The following DNAJC13 variants were observed in gnomAD, a reference collection of about 807,000 sequenced individuals.
DNAJC13 encodes the protein dnaJ homolog subfamily C member 13.
Under a neutral mutation model 290.5 loss-of-function variants are expected in DNAJC13, and 75 were observed. The ratio of observed to expected loss-of-function variants is 0.26; its 90% confidence interval spans 0.21 to 0.31. DNAJC13 has a LOEUF of 0.31. Ranked by LOEUF, DNAJC13 falls within the 10% of genes least tolerant of loss-of-function variation. The pLI is 1.00. For synonymous variants in DNAJC13, 862 were observed against 892.0 expected (o/e 0.97, Z 0.60); for missense variants, 2,260 against 2,674.5 (o/e 0.85, Z 3.42).
intron 25 of DNAJC13, among the ~76,000 whole-genome samples, 187 bp from the exon 26 acceptor site, chr3:132,480,175 ATTCAGGT>A (rs1160755239): frequency 6.6e-6 from 1 of 152,142 alleles, no homozygotes; most frequent in Admixed American, 6.5e-5. Flanking sequence ...ATCAATTGGA[ATTCAGGT>A]TCCTTGAACA....
At chr3:132,532,560 C>T (rs1936447588) in intron 55 of DNAJC13, among the ~76,000 whole-genome samples, 1 of 152,028 alleles carries the variant, frequency 6.6e-6, no homozygotes, top group Admixed American at 6.6e-5. Context: ...CCATATCTCT[C>T]TTCAGATTTG....
chr3:132,516,873 A>C lies in DNAJC13; in HGVS notation c.5673+57A>C, dbSNP rs114172705. 1,199 of 1,364,036 alleles carry C rather than the reference A, an allele frequency of 8.8e-4. 8 individuals are homozygous for C. The African/African-American group carries it at 0.015, about 17-fold the overall frequency. The allele number at this position is 1,364,036 out of a possible 1,614,324, so 84.5% of individuals were successfully genotyped here. On this transcript the variant is annotated intron_variant, in intron 48 of 55. Coordinates refer to ENST00000260818, the MANE Select transcript of DNAJC13 (RefSeq NM_015268.4). ...TAATTATTAAAGCATTGTTACTTTG[A>C]TACTGATTTCAAGAAGTTTACTGAA... is the stretch of plus-strand genomic sequence containing the variant.
chr3:132,531,918 T>G (rs1936429063), intron 55 of DNAJC13, among the ~76,000 whole-genome samples: 1 of 152,236 alleles, frequency 6.6e-6, no homozygotes, highest in Non-Finnish European at 1.5e-5. Flanking sequence ...AAGGATGTTT[T>G]ACTGCTTTGG....
intron 54 of DNAJC13, 69 bp downstream of exon 54, chr3:132,528,401 C>T: frequency 6.4e-7 from 1 of 1,560,698 alleles, no homozygotes. Flanking sequence ...GGTCCACGTA[C>T]CTGTGTTCAA....
rs1255845675 is a variant in DNAJC13, at chr3:132,503,397, G to C, written c.4884+16G>C. On this transcript the variant is annotated intron_variant, in intron 41 of 55. Transcript: ENST00000260818. ...TGTGACTGAGGTATGTGCTTCACAG[G>C]TAGCCTGGGTTTTAATCAATAGTGC... 1 of 1,613,656 alleles carries C rather than the reference G, an allele frequency of 6.2e-7. No homozygotes were observed. Among genetic ancestry groups the C allele is most frequent in the East Asian group, 2.2e-5 (1 of 44,876 alleles).
intron 1 of DNAJC13, among the ~76,000 whole-genome samples, chr3:132,421,102 A>G (rs1414173080): frequency 6.6e-6 from 1 of 152,222 alleles, no homozygotes; most frequent in African/African-American, 2.4e-5. Flanking sequence ...GAAGTAGTAG[A>G]AGGAAAAAAA....
rs73216001 is a variant in DNAJC13, at chr3:132,492,903, T to C, written c.3825+288T>C. Reference sequence around the variant, plus strand: ...ATAATTATATATATATAGTATTATATACTATAATACCTTGGTGGAAGCTTG... The same window carrying C: ...ATAATTATATATATATAGTATTATACACTATAATACCTTGGTGGAAGCTTG... On this transcript the variant is annotated intron_variant, in intron 33 of 55. Coordinates refer to ENST00000260818, the MANE Select transcript of DNAJC13 (RefSeq NM_015268.4). Among the ~76,000 whole-genome samples, 7,933 of 151,998 alleles carry C rather than the reference T, an allele frequency of 0.052. 411 individuals are homozygous for C. The highest frequency in any genetic ancestry group is 0.14 in the African/African-American group (5,658 of 41,450).
In DNAJC13 at chr3:132,456,644, A is replaced by G; in HGVS notation, c.1180-19A>G. The G allele has an allele frequency of 6.2e-7, 1 of 1,612,672 alleles. No homozygotes were observed. Among genetic ancestry groups the G allele is most frequent in the Non-Finnish European group, 8.5e-7 (1 of 1,179,582 alleles). ...CTTTTGGTATGGAAACTTTTTTGAA[A>G]TACTCTTTCTTCACCTAGGGTCTCT... On this transcript the variant is annotated intron_variant, in intron 11 of 55. Coordinates refer to ENST00000260818, the MANE Select transcript of DNAJC13 (RefSeq NM_015268.4).
intron 43 of DNAJC13, among the ~76,000 whole-genome samples, chr3:132,510,551 G>A (rs1935744764): frequency 6.6e-6 from 1 of 152,048 alleles, no homozygotes; most frequent in Non-Finnish European, 1.5e-5. Context: ...GGATTTGGTG[G>A]TTGATTTGTT....
intron 31 of DNAJC13, among the ~76,000 whole-genome samples, chr3:132,489,306 TTTAGA>T (rs1934985581): frequency 6.6e-6 from 1 of 152,100 alleles, no homozygotes; most frequent in Non-Finnish European, 1.5e-5. Context: ...TTGTATAAAG[TTTAGA>T]TTAGTGATTT....
At chr3:132,435,937 T>C (rs913580463) in intron 2 of DNAJC13, among the ~76,000 whole-genome samples, 1 of 152,214 alleles carries the variant, frequency 6.6e-6, no homozygotes, top group Non-Finnish European at 1.5e-5. Context: ...TGACTAAGAC[T>C]TAACTATCCT....
chr3:132,469,963 C>CTTTTTTTTTTTTTTTTTTTTTTTTTT (rs61726289), intron 20 of DNAJC13, among the ~76,000 whole-genome samples: 3 of 61,156 alleles, frequency 4.9e-5, no homozygotes, highest in African/African-American at 1.1e-4. Flanking sequence ...AGCAGAGATT[C>CTTTTTTTTTTTTTTTTTTTTTTTTTT]TTTTTTTTTT....
chr3:132,486,791 G>C (rs1934892902), intron 29 of DNAJC13, among the ~76,000 whole-genome samples: 1 of 152,122 alleles, frequency 6.6e-6, no homozygotes, highest in African/African-American at 2.4e-5. Flanking sequence ...TTTACCATCT[G>C]ATAGAGCTTC....
Position 132,431,560 on chromosome 3 carries a change from C to T in DNAJC13, c.-13-2978C>T, listed in dbSNP as rs546834174. ...AAAGGCTCTCGATAATTGGTAATAA[C>T]ACAAAAACAAGCAGGACGAATGAAG... On this transcript the variant is annotated intron_variant, in intron 1 of 55. Transcript: ENST00000260818. Among the ~76,000 whole-genome samples, 299 of 152,104 alleles carry T rather than the reference C, an allele frequency of 2.0e-3. 2 individuals carry two copies. The highest frequency in any genetic ancestry group is 7.0e-3 in the African/African-American group (289 of 41,502).
intron 26 of DNAJC13, among the ~76,000 whole-genome samples, chr3:132,481,151 AG>A (rs1239362025): frequency 6.6e-6 from 1 of 152,228 alleles, no homozygotes; most frequent in Non-Finnish European, 1.5e-5. Context: ...TCACCTGATA[AG>A]TGGCAGAGCT....
Position 132,496,637 on chromosome 3 carries a change from G to A in DNAJC13, c.4130G>A (p.Ser1377Asn), listed in dbSNP as rs994114623. 14 of 1,609,462 alleles carry A rather than the reference G, an allele frequency of 8.7e-6. No individual in the cohort carries two copies. Among genetic ancestry groups the A allele is most frequent in the Non-Finnish European group, 1.2e-5 (14 of 1,178,254 alleles). The change falls in exon 36 of 56, where the codon AGC becomes AAC. Residue 1377 changes from serine (S) to asparagine (N), a missense_variant. Coordinates refer to ENST00000260818, the MANE Select transcript of DNAJC13 (RefSeq NM_015268.4). ...ENIILILKTQ[S>N]ILFNRHKEDL... ...ATAATTTTAATTCTAAAAACACAGA[G>A]CATCCTCTTCAACCGTCATAAAGAA...
At chr3:132,520,169 T>C (rs925546813) in intron 48 of DNAJC13, among the ~76,000 whole-genome samples, 5 of 152,214 alleles carry the variant, frequency 3.3e-5, no homozygotes, top group Admixed American at 1.3e-4. Flanking sequence ...CAATATTCTA[T>C]CCTTTGTGGG....
At chr3:132,533,784 G>A (rs1282958719) in intron 55 of DNAJC13, among the ~76,000 whole-genome samples, 1 of 152,168 alleles carries the variant, frequency 6.6e-6, no homozygotes, top group Non-Finnish European at 1.5e-5. Context: ...GACTTAACTT[G>A]ATGAAATAAA....
In DNAJC13 at chr3:132,516,436, C is replaced by T. The variant is rs144228844; in HGVS notation, c.5500C>T (p.Leu1834=). 8 of 1,613,760 alleles carry T rather than the reference C, an allele frequency of 5.0e-6. No homozygotes were observed. Among genetic ancestry groups the T allele is most frequent in the Non-Finnish European group, 5.9e-6 (7 of 1,179,760 alleles). ...TTACTCTGCAGGTCGTCAGCTTGTT[C>T]TGGAAACTCTTTATGCTTTGACATC... ...HSLPSSRQLV[L]ETLYALTSST... is the part of the protein sequence containing the mutation. Residue 1834 remains leucine (L), a synonymous_variant, in exon 47 of 56, where the codon CTG becomes TTG. Transcript: ENST00000260818.
Sources: gnomAD v4.1 joint callset for allele counts (sites outside exome capture counted in the v4.1 genomes callset) on GRCh38, gnomAD v4.1.1 for gene constraint, MANE v1.5 for transcripts, NCBI Gene and HGNC (gene_info 2026-07-23, HGNC 2026-07-21) for gene names.